Variants in VWA5B1 observed in about 807,000 individuals in gnomAD.
The protein encoded by VWA5B1 is von Willebrand factor A domain-containing protein 5B1.
Under a neutral mutation model 118.2 loss-of-function variants are expected in VWA5B1, and 115 were observed. The observed-to-expected ratio is 0.97, with a 90% CI of 0.84 to 1.14. VWA5B1 has a LOEUF of 1.14. VWA5B1 is among the 50% of genes most tolerant of loss of function. The pLI, the probability that VWA5B1 is intolerant of heterozygous loss-of-function variation, is 0.00. For missense variants in VWA5B1, 1,596 were observed against 1,603.8 expected (o/e 1.00, Z 0.08); for synonymous variants, 682 against 658.4 (o/e 1.04, Z -0.55).
At position 20,335,539 on chromosome 1, in the gene VWA5B1, A is replaced by C. The variant is rs948494581; in HGVS notation, c.1759-764A>C. Among the ~76,000 whole-genome samples, 34 of 152,120 alleles carry C rather than the reference A, an allele frequency of 2.2e-4. 1 individual carries two copies. Among genetic ancestry groups the C allele is most frequent in the Admixed American group, 1.6e-3 (24 of 15,270 alleles). ...GTCAAAATTTCACATATGACATTTG[A>C]CTCTCTAAAAACTTAACTACTAATA... On this transcript the variant is annotated intron_variant, in intron 12 of 21. Coordinates refer to ENST00000289815, the MANE Select transcript of VWA5B1 (RefSeq NM_001039500.3).
intron 17 of VWA5B1, among the ~76,000 whole-genome samples, 168 bp from the exon 18 acceptor site, chr1:20,348,077 C>G (rs2090044818): frequency 6.6e-6 from 1 of 152,160 alleles, no homozygotes; most frequent in South Asian, 2.1e-4. Context: ...GGGGCTCAAA[C>G]CTGGGTCTTT....
chr1:20,357,896 G>T lies in VWA5B1; in HGVS notation c.*3633G>T, dbSNP rs2090257529. On this transcript the variant is annotated 3_prime_UTR_variant, in exon 22 of 22. Coordinates refer to ENST00000289815, the MANE Select transcript of VWA5B1 (RefSeq NM_001039500.3). The stretch of plus-strand genomic sequence containing the variant: ...GGTATTGCACAGCCAGAGGGGAGTT[G>T]GTGCTGGGGGCCTCCTTGTCCAGGT... 6.6e-6 allele frequency among the ~76,000 whole-genome samples: 1 copy of T among 152,128 alleles called. No homozygotes were observed. Among genetic ancestry groups the T allele is most frequent in the South Asian group, 2.1e-4 (1 of 4,826 alleles).
chr1:20,303,219 G>A (rs2088546637), intron 1 of VWA5B1: 1 of 152,216 alleles, frequency 6.6e-6, no homozygotes, highest in Non-Finnish European at 1.5e-5. Context: ...CCAGGTAAGA[G>A]GGCAGGTGGC....
rs2090102636 is a variant in VWA5B1, at chr1:20,350,297, A to T, written c.2953+67A>T. 2.6e-6 allele frequency: 4 copies of T among 1,525,418 alleles called. No homozygotes were observed. In the South Asian group the frequency reaches 4.8e-5, roughly 18 times the overall value. The allele number at this position is 1,525,418 out of a possible 1,614,324, so 94.5% of individuals were successfully genotyped here. A position where few individuals can be genotyped will look rare whatever the true frequency, so the allele number is the denominator to read the frequency against. On this transcript the variant is annotated intron_variant, in intron 19 of 21. Coordinates refer to ENST00000289815, the MANE Select transcript of VWA5B1 (RefSeq NM_001039500.3). ...CAGGGATTGGTCCTGGGGTCAGGAG[A>T]GTATCTTAGCACCGACAAAGTCCTC...
rs558287228 is a variant in VWA5B1 at position 20,313,070 on chromosome 1, A to G, written c.292+82A>G. On this transcript the variant is annotated intron_variant, in intron 3 of 21. Coordinates refer to ENST00000289815, the MANE Select transcript of VWA5B1 (RefSeq NM_001039500.3). ...TGGGCTGGAGCCTCAGGCCAACTGC[A>G]AGGATAGCAGTGGGATATGAGGCAG... The G allele has an allele frequency of 2.3e-5, 35 of 1,495,952 alleles. No individual in the cohort carries two copies. The African/African-American group carries it at 4.4e-4, about 19-fold the overall frequency. 92.7% of individuals were successfully genotyped at this position (1,495,952 alleles called of 1,614,324 possible).
intron 14 of VWA5B1, among the ~76,000 whole-genome samples, chr1:20,340,694 A>G (rs1288066235): frequency 6.6e-6 from 1 of 152,218 alleles, no homozygotes; most frequent in Non-Finnish European, 1.5e-5. Context: ...TTCAATTACA[A>G]AAGTAATACA....
chr1:20,330,132 A>G (rs1256750032), intron 9 of VWA5B1, 48 bp from the exon 10 acceptor site: 1 of 1,545,968 alleles, frequency 6.5e-7, no homozygotes, highest in Non-Finnish European at 8.8e-7. Context: ...GGTGGTCTAG[A>G]GTCTCTGTAC....
rs191852666 is a variant in VWA5B1, at chr1:20,345,040, A to G, written c.2627-416A>G. ...GATTTGCAATGTCCTCAGCAGTTAA[A>G]TGGGTCAGATAAGTGGTCCCCACCC... On this transcript the variant is annotated intron_variant, in intron 16 of 21. Coordinates refer to ENST00000289815, the MANE Select transcript of VWA5B1 (RefSeq NM_001039500.3). Among the ~76,000 whole-genome samples the G allele has an allele frequency of 2.0e-5, 3 of 152,318 alleles. No homozygotes were observed. In the East Asian group the frequency reaches 5.8e-4, roughly 29 times the overall value.
chr1:20,320,320 G>A (rs2089167384), intron 7 of VWA5B1, among the ~76,000 whole-genome samples: 1 of 152,238 alleles, frequency 6.6e-6, no homozygotes, highest in Non-Finnish European at 1.5e-5. Flanking sequence ...AGTTGAGCTG[G>A]ATTTCACACC....
rs975878431 is a variant in VWA5B1, at chr1:20,357,822, T to G, written c.*3559T>G. Among the ~76,000 whole-genome samples, 1 of 152,128 alleles carries G rather than the reference T, an allele frequency of 6.6e-6. No individual in the cohort carries two copies. Among genetic ancestry groups the G allele is most frequent in the African/African-American group, 2.4e-5 (1 of 41,408 alleles). The stretch of plus-strand genomic sequence containing the variant: ...TGCGCTAACGGCCAGCCCCCTGAGC[T>G]TTCAGGCTCTCATTTATGGTATGGG... On this transcript the variant is annotated 3_prime_UTR_variant, in exon 22 of 22. Transcript: ENST00000289815.
chr1:20,336,029 A>G (rs1419022798), intron 12 of VWA5B1, among the ~76,000 whole-genome samples: 1 of 152,208 alleles, frequency 6.6e-6, no homozygotes. Flanking sequence ...CTATTTGGAG[A>G]CAGGAGTGGC....
Position 20,336,299 on chromosome 1 carries a change from A to G in VWA5B1, c.1759-4A>G. 4 of 1,419,536 alleles carry G rather than the reference A, an allele frequency of 2.8e-6. No homozygotes were observed. The highest frequency in any genetic ancestry group is 2.7e-5 in the East Asian group (1 of 36,546). 87.9% of individuals were successfully genotyped at this position (1,419,536 alleles called of 1,614,324 possible). On this transcript the variant is annotated splice_region_variant and splice_polypyrimidine_tract_variant and intron_variant, in intron 12 of 21. Transcript: ENST00000289815. ...CTAGCCCTCTTTTCTGTTTCTCCCTACAGGACAAGAGGCGCCGGTACAGCA... is the reference window on the plus strand; with the variant it reads ...CTAGCCCTCTTTTCTGTTTCTCCCTGCAGGACAAGAGGCGCCGGTACAGCA...
intron 1 of VWA5B1, among the ~76,000 whole-genome samples, chr1:20,302,262 A>G (rs767447973): frequency 2.6e-5 from 4 of 152,052 alleles, no homozygotes; most frequent in Non-Finnish European, 5.9e-5. Flanking sequence ...CCACCAAAGG[A>G]GACTACAGCT....
intron 14 of VWA5B1, chr1:20,338,385 T>C (rs1249345111): frequency 3.5e-6 from 1 of 288,190 alleles, no homozygotes; most frequent in Admixed American, 4.6e-5. Context: ...AGTCTCGCTC[T>C]GTTGCCCAGG....
chr1:20,302,404 A>G (rs191826428), intron 1 of VWA5B1, among the ~76,000 whole-genome samples: 24 of 152,256 alleles, frequency 1.6e-4, no homozygotes, highest in Admixed American at 1.4e-3. Flanking sequence ...TTGGCCACTG[A>G]CTCATTCATT....
chr1:20,328,185 C>T (rs902134120), intron 9 of VWA5B1, among the ~76,000 whole-genome samples, 185 bp downstream of exon 9: 1 of 152,136 alleles, frequency 6.6e-6, no homozygotes, highest in South Asian at 2.1e-4. Flanking sequence ...GGACATTTTT[C>T]TGACATCTCA....
intron 4 of VWA5B1, among the ~76,000 whole-genome samples, chr1:20,316,292 G>C (rs1230313586): frequency 1.3e-5 from 2 of 152,164 alleles, no homozygotes; most frequent in Non-Finnish European, 2.9e-5. Flanking sequence ...AGGGAGCACG[G>C]ACAGGGATAT....
intron 1 of VWA5B1, among the ~76,000 whole-genome samples, chr1:20,291,361 C>CTTTCTTTCTTTCTTTCTTTCTT (rs1444209981): frequency 2.2e-5 from 3 of 135,600 alleles, no homozygotes; most frequent in African/African-American, 8.7e-5. Flanking sequence ...TTCTTTCTTT[C>CTTTCTTTCTTTCTTTCTTTCTT]TCTCTCTCTC....
At chr1:20,325,696 T>C (rs988974852) in intron 8 of VWA5B1, among the ~76,000 whole-genome samples, 1 of 152,228 alleles carries the variant, frequency 6.6e-6, no homozygotes, top group African/African-American at 2.4e-5. Flanking sequence ...CCTGCCCTTC[T>C]CCAGTTCAGC....
Sources: allele counts gnomAD v4.1 joint callset (sites outside exome capture counted in the v4.1 genomes callset), GRCh38; gene constraint gnomAD v4.1.1; transcripts MANE v1.5; gene names NCBI Gene and HGNC (gene_info 2026-07-23, HGNC 2026-07-21).